The following BBS9 variants were observed in gnomAD, a reference collection of about 807,000 sequenced individuals.
BBS9 encodes Bardet-Biedl syndrome 9.
In BBS9, 89 loss-of-function variants were observed where a neutral mutation model predicts 117.7. The observed-to-expected ratio is 0.76, with a 90% confidence interval of 0.64 to 0.90. The LOEUF (loss-of-function observed/expected upper bound fraction) is 0.90. Ranked by LOEUF, BBS9 falls within the 40% of genes least tolerant of loss-of-function variation. BBS9 has a pLI of 0.00. For missense variants in BBS9, 982 were observed against 1,042.2 expected, an observed-to-expected ratio of 0.94 and a Z score of 0.80; for synonymous variants, 379 against 370.9, an observed-to-expected ratio of 1.02 and a Z score of -0.25.
intron 17 of BBS9, among the ~76,000 whole-genome samples, chr7:33,372,919 A>G (rs1823129607): frequency 1.3e-5 from 2 of 152,124 alleles, no homozygotes; most frequent in Admixed American, 1.3e-4. Flanking sequence ...ATTTCTTGTA[A>G]GTTATCCAGT....
chr7:33,215,748 G>A (rs957937215), intron 5 of BBS9, among the ~76,000 whole-genome samples: 3 of 152,186 alleles, frequency 2.0e-5, no homozygotes, highest in South Asian at 4.1e-4. Context: ...AATAAGCCAA[G>A]CACTGAAGGA....
intron 5 of BBS9, among the ~76,000 whole-genome samples, chr7:33,204,803 A>G (rs1786604136): frequency 6.6e-6 from 1 of 152,350 alleles, no homozygotes; most frequent in Admixed American, 6.5e-5. Context: ...AGTATAAAAT[A>G]TACTTAGCTG....
intron 19 of BBS9, among the ~76,000 whole-genome samples, chr7:33,486,946 G>T (rs934354590): frequency 6.6e-6 from 1 of 152,210 alleles, no homozygotes; most frequent in Non-Finnish European, 1.5e-5. Flanking sequence ...TTGAATTTGT[G>T]ATTTGTTGGG....
At chr7:33,495,252 C>T (rs1844551225) in intron 19 of BBS9, among the ~76,000 whole-genome samples, 1 of 152,080 alleles carries the variant, frequency 6.6e-6, no homozygotes, top group East Asian at 1.9e-4. Flanking sequence ...GGGAGCATGC[C>T]CTACCTGATC....
intron 19 of BBS9, among the ~76,000 whole-genome samples, chr7:33,492,807 AGTGAGTGTGT>A: frequency 1.1e-5 from 1 of 88,254 alleles, no homozygotes; most frequent in East Asian, 3.1e-4. Flanking sequence ...CTAGTATAGG[AGTGAGTGTGT>A]GTGTGTGTGT....
intron 19 of BBS9, among the ~76,000 whole-genome samples, chr7:33,419,822 A>C (rs561721659): frequency 6.6e-6 from 1 of 152,290 alleles, no homozygotes; most frequent in Admixed American, 6.5e-5. Flanking sequence ...ACTGTCTGGC[A>C]TACAAAGCCC....
intron 21 of BBS9, among the ~76,000 whole-genome samples, chr7:33,629,490 C>T (rs748356142): frequency 2.0e-5 from 3 of 152,054 alleles, no homozygotes; most frequent in Non-Finnish European, 2.9e-5. Context: ...GTGACGTCAG[C>T]CAGTGAGGGA....
intron 21 of BBS9, among the ~76,000 whole-genome samples, chr7:33,617,511 T>C (rs1226260134): frequency 6.6e-6 from 1 of 152,114 alleles, no homozygotes; most frequent in East Asian, 1.9e-4. Context: ...AACTTGACAC[T>C]GTCATGGGAG....
intron 4 of BBS9, among the ~76,000 whole-genome samples, chr7:33,172,631 G>T (rs893488596): frequency 6.6e-6 from 1 of 152,104 alleles, no homozygotes; most frequent in African/African-American, 2.4e-5. Context: ...ATTTTCATTT[G>T]CTAGCTTTTA....
intron 9 of BBS9, among the ~76,000 whole-genome samples, chr7:33,309,968 A>G (rs1303873087): frequency 6.6e-6 from 1 of 152,222 alleles, no homozygotes; most frequent in Non-Finnish European, 1.5e-5. Context: ...TAGAGAAGCA[A>G]GAGAGTTAAG....
chr7:33,603,940 G>T (rs1864193104), intron 21 of BBS9, among the ~76,000 whole-genome samples: 1 of 152,128 alleles, frequency 6.6e-6, no homozygotes, highest in Admixed American at 6.6e-5. Flanking sequence ...TTTGAAATCA[G>T]TGCTGCTGAT....
intron 21 of BBS9, among the ~76,000 whole-genome samples, chr7:33,536,265 G>A (rs969402): frequency 0.55 from 83,023 of 151,754 alleles, 24,116 homozygotes; most frequent in African/African-American, 0.74. Flanking sequence ...ACTTGCCGAC[G>A]ACCCGCTTGC....
chr7:33,626,825 G>A (rs2129226415), intron 21 of BBS9, among the ~76,000 whole-genome samples: 1 of 152,288 alleles, frequency 6.6e-6, no homozygotes, highest in East Asian at 1.9e-4. Flanking sequence ...AACAGTATAT[G>A]GTCATGTGCA....
chr7:33,252,206 G>C (rs764112265), intron 5 of BBS9, among the ~76,000 whole-genome samples: 4 of 152,058 alleles, frequency 2.6e-5, no homozygotes, highest in Non-Finnish European at 5.9e-5. Context: ...CCAAGGGGAT[G>C]GTGCTAAGCC....
intron 20 of BBS9, among the ~76,000 whole-genome samples, chr7:33,518,290 C>T (rs530999630): frequency 6.2e-5 from 8 of 128,714 alleles, no homozygotes; most frequent in South Asian, 4.9e-4. Flanking sequence ...CCCACCCTGT[C>T]GCCAGGCTGG....
At chr7:33,175,159 C>A (rs1797153954) in intron 4 of BBS9, among the ~76,000 whole-genome samples, 1 of 152,076 alleles carries the variant, frequency 6.6e-6, no homozygotes, top group South Asian at 2.1e-4. Flanking sequence ...CAAAAATTAG[C>A]TGGGTGTGGT....
chr7:33,593,089 C>T (rs1177834706), intron 21 of BBS9, among the ~76,000 whole-genome samples: 2 of 152,022 alleles, frequency 1.3e-5, no homozygotes, highest in Non-Finnish European at 2.9e-5. Flanking sequence ...TCCAATTGTA[C>T]ATTGGACTTC....
intron 21 of BBS9, among the ~76,000 whole-genome samples, chr7:33,620,385 T>C (rs1865345318): frequency 6.6e-6 from 1 of 151,894 alleles, no homozygotes; most frequent in South Asian, 2.1e-4. Flanking sequence ...TTAAAAACTA[T>C]TAAAAGCAAT....
At chr7:33,218,448 C>T (rs1789493612) in intron 5 of BBS9, among the ~76,000 whole-genome samples, 1 of 152,214 alleles carries the variant, frequency 6.6e-6, no homozygotes, top group Non-Finnish European at 1.5e-5. Context: ...GTGGCTTAAG[C>T]TCCTGGTAAG....
Sources: allele counts gnomAD v4.1 joint callset (sites outside exome capture counted in the v4.1 genomes callset), GRCh38; gene constraint gnomAD v4.1.1; transcripts MANE v1.5; gene names NCBI Gene and HGNC (gene_info 2026-07-23, HGNC 2026-07-21).